The following XKR6 variants were observed in gnomAD, a reference collection of about 807,000 sequenced individuals.
XKR6 encodes the protein XK-related protein 6.
Under a neutral mutation model 56.7 loss-of-function variants are expected in XKR6, and 22 were observed. That is an observed-to-expected ratio of 0.39 (90% CI 0.28 to 0.55). XKR6 has a LOEUF of 0.55. Among genes scored for constraint, XKR6 ranks in the 20% least tolerant of loss-of-function variants. The pLI, the probability that XKR6 is intolerant of heterozygous loss-of-function variation, is 0.66. For missense variants in XKR6, 852 were observed against 889.0 expected (o/e 0.96, Z 0.53); for synonymous variants, 524 against 387.8 (o/e 1.35, Z -4.13).
chr8:11,173,638 G>T (rs919654772), intron 1 of XKR6, among the ~76,000 whole-genome samples: 1 of 152,116 alleles, frequency 6.6e-6, no homozygotes, highest in Non-Finnish European at 1.5e-5. Flanking sequence ...ACAGCGTTGG[G>T]TGTCCTGTAC....
intron 1 of XKR6, among the ~76,000 whole-genome samples, chr8:10,940,967 G>A (rs1185470038): frequency 6.6e-6 from 1 of 152,152 alleles, no homozygotes; most frequent in Non-Finnish European, 1.5e-5. Context: ...GGTCACGCAG[G>A]GACATAGCTC....
intron 1 of XKR6, among the ~76,000 whole-genome samples, chr8:11,159,513 G>A (rs766191664): frequency 6.6e-6 from 1 of 152,208 alleles, no homozygotes; most frequent in Non-Finnish European, 1.5e-5. Context: ...AGCTTGCCAT[G>A]TGCTTTCAGG....
chr8:10,926,943 A>G (rs1192226579), intron 1 of XKR6, among the ~76,000 whole-genome samples: 1 of 152,228 alleles, frequency 6.6e-6, no homozygotes, highest in Non-Finnish European at 1.5e-5. Flanking sequence ...AGGCAGAGAC[A>G]TAGAGATAGA....
chr8:11,064,557 C>T (rs1799929388), intron 1 of XKR6, among the ~76,000 whole-genome samples: 2 of 152,192 alleles, frequency 1.3e-5, no homozygotes, highest in African/African-American at 2.4e-5. Flanking sequence ...CTCAGCTTTT[C>T]CCTCATTAAA....
At chr8:11,160,702 G>T (rs570586811) in intron 1 of XKR6, among the ~76,000 whole-genome samples, 1 of 152,092 alleles carries the variant, frequency 6.6e-6, no homozygotes, top group East Asian at 1.9e-4. Flanking sequence ...GAGGTCAAGA[G>T]ATCGAGACCA....
chr8:10,911,799 T>G (rs541053681), intron 2 of XKR6, among the ~76,000 whole-genome samples: 73 of 150,268 alleles, frequency 4.9e-4, no homozygotes, highest in African/African-American at 1.7e-3. Flanking sequence ...ATAGAGACAA[T>G]GTATGTATAT....
chr8:11,062,674 T>A (rs1411392978), intron 1 of XKR6: 1 of 449,018 alleles, frequency 2.2e-6, no homozygotes, highest in Non-Finnish European at 4.5e-6. Flanking sequence ...CTCTTTAATG[T>A]GATCTGGTTT....
intron 1 of XKR6, among the ~76,000 whole-genome samples, chr8:11,001,480 T>C (rs1369623164): frequency 6.6e-6 from 1 of 152,196 alleles, no homozygotes. Context: ...TCTGCAAAGA[T>C]AGGAGTTTAT....
At chr8:10,914,098 G>C (rs1276822884) in intron 2 of XKR6, among the ~76,000 whole-genome samples, 3 of 152,184 alleles carry the variant, frequency 2.0e-5, no homozygotes, top group Non-Finnish European at 2.9e-5. Flanking sequence ...TAACACCTCA[G>C]ACTGGTTCAG....
At chr8:11,103,161 C>A (rs1031337338) in intron 1 of XKR6, among the ~76,000 whole-genome samples, 1 of 152,070 alleles carries the variant, frequency 6.6e-6, no homozygotes, top group African/African-American at 2.4e-5. Context: ...TACTTAATCT[C>A]AATTTACACA....
At chr8:11,099,014 G>C (rs1798366069) in intron 1 of XKR6, among the ~76,000 whole-genome samples, 1 of 152,178 alleles carries the variant, frequency 6.6e-6, no homozygotes, top group African/African-American at 2.4e-5. Flanking sequence ...AGAATAATGA[G>C]CTTCTTCCCC....
chr8:11,041,290 G>A (rs529453078), intron 1 of XKR6, among the ~76,000 whole-genome samples: 1 of 152,290 alleles, frequency 6.6e-6, no homozygotes, highest in Non-Finnish European at 1.5e-5. Context: ...GGGCGCGGTG[G>A]CTCACGCCTG....
At chr8:11,190,796 A>G (rs945913757) in intron 1 of XKR6, among the ~76,000 whole-genome samples, 1 of 152,212 alleles carries the variant, frequency 6.6e-6, no homozygotes, top group African/African-American at 2.4e-5. Context: ...TGGCTTCAAA[A>G]GTTTCCTCCA....
At chr8:11,138,019 A>G in intron 1 of XKR6, 4 of 278,554 alleles carry the variant, frequency 1.4e-5, no homozygotes, top group Non-Finnish European at 2.8e-5. Context: ...AAGACATCAG[A>G]GCAGAAGGGT....
chr8:11,121,709 C>T (rs1799464005), intron 1 of XKR6, among the ~76,000 whole-genome samples: 1 of 152,218 alleles, frequency 6.6e-6, no homozygotes. Context: ...GATTATAAAT[C>T]ATGCTGCTAT....
At chr8:11,118,713 G>C (rs1410210618) in intron 1 of XKR6, among the ~76,000 whole-genome samples, 1 of 151,884 alleles carries the variant, frequency 6.6e-6, no homozygotes, top group African/African-American at 2.4e-5. Context: ...TTCTTTATTA[G>C]TCTTGCTAGT....
intron 1 of XKR6, among the ~76,000 whole-genome samples, chr8:11,198,880 G>A (rs1804040639): frequency 6.6e-6 from 1 of 151,088 alleles, no homozygotes. Flanking sequence ...CTTCATTCCT[G>A]GCATCTTAAC....
chr8:10,989,313 T>C (rs1563330973), intron 1 of XKR6, among the ~76,000 whole-genome samples: 1 of 152,242 alleles, frequency 6.6e-6, no homozygotes, highest in South Asian at 2.1e-4. Flanking sequence ...TTCCTTTCGT[T>C]GAATTGTCTG....
At chr8:10,927,842 C>T (rs1207910339) in intron 1 of XKR6, among the ~76,000 whole-genome samples, 11 of 152,124 alleles carry the variant, frequency 7.2e-5, no homozygotes, top group East Asian at 3.9e-4. Flanking sequence ...AATTAGCAAG[C>T]AGACGTTGGG....
Sources: gnomAD v4.1 joint callset for allele counts (sites outside exome capture counted in the v4.1 genomes callset) on GRCh38, gnomAD v4.1.1 for gene constraint, MANE v1.5 for transcripts, NCBI Gene and HGNC (gene_info 2026-07-23, HGNC 2026-07-21) for gene names.